Variants in MKLN1 observed in about 807,000 individuals in gnomAD.
MKLN1 encodes the protein muskelin 1.
In MKLN1, 18 loss-of-function variants were observed where a neutral mutation model predicts 99.0. That is an observed-to-expected ratio of 0.18 (90% CI 0.13 to 0.27). MKLN1 has a LOEUF of 0.27. Ranked by LOEUF, MKLN1 falls within the 10% of genes least tolerant of loss-of-function variation. The pLI, the probability that MKLN1 is intolerant of heterozygous loss-of-function variation, is 1.00. For synonymous variants in MKLN1, 288 were observed against 293.2 expected (o/e 0.98, Z 0.18); for missense variants, 621 against 875.9 (o/e 0.71, Z 3.67).
At chr7:131,357,624 T>A (rs1799920600) in intron 1 of MKLN1, among the ~76,000 whole-genome samples, 1 of 152,240 alleles carries the variant, frequency 6.6e-6, no homozygotes, top group Non-Finnish European at 1.5e-5. Context: ...CCAGTACTAC[T>A]TTATTTATTT....
At chr7:131,485,807 C>T (rs998355934) in intron 17 of MKLN1, among the ~76,000 whole-genome samples, 5 of 151,974 alleles carry the variant, frequency 3.3e-5, no homozygotes, top group African/African-American at 1.2e-4. Flanking sequence ...CAAAGAGAGG[C>T]TGAGGAACTA....
At chr7:131,347,674 G>C (rs572506638) in intron 1 of MKLN1, among the ~76,000 whole-genome samples, 7 of 152,112 alleles carry the variant, frequency 4.6e-5, no homozygotes, top group African/African-American at 1.4e-4. Flanking sequence ...TAATTGGCTC[G>C]TTTACTTTTA....
At chr7:131,126,249 C>T (rs1193594310) in intron 1 of MKLN1, among the ~76,000 whole-genome samples, 1 of 151,870 alleles carries the variant, frequency 6.6e-6, no homozygotes, top group Non-Finnish European at 1.5e-5. Flanking sequence ...GGGCTAATGA[C>T]CAGAGACAGC....
chr7:131,153,661 T>C (rs541083113), intron 2 of MKLN1, among the ~76,000 whole-genome samples: 4 of 47,086 alleles, frequency 8.5e-5, no homozygotes, highest in African/African-American at 1.6e-4. Context: ...TAGGTTTTTT[T>C]TGGTTTTTTT....
chr7:131,438,992 A>G (rs1184893569), intron 10 of MKLN1, among the ~76,000 whole-genome samples: 2 of 152,114 alleles, frequency 1.3e-5, no homozygotes, highest in Admixed American at 6.6e-5. Flanking sequence ...TAAGGAGAGG[A>G]AGAGTGAGTT....
At chr7:131,358,306 A>G (rs898627173) in intron 1 of MKLN1, among the ~76,000 whole-genome samples, 5 of 152,172 alleles carry the variant, frequency 3.3e-5, no homozygotes, top group African/African-American at 4.8e-5. Context: ...ATATGATCAT[A>G]TGACTTTCTT....
chr7:131,191,775 G>A lies in MKLN1; in HGVS notation c.-296-11082G>A, dbSNP rs191147176. On this transcript the variant is annotated intron_variant, in intron 2 of 7. Coordinates refer to the MKLN1 transcript ENST00000416992. Reference sequence around the variant, plus strand: ...ATCTCCCAGGCTGGAGTGCAGTGGTGCAATCTCGGCTCACTGCAACCTCCG... The same window carrying A: ...ATCTCCCAGGCTGGAGTGCAGTGGTACAATCTCGGCTCACTGCAACCTCCG... 4.6e-3 allele frequency among the ~76,000 whole-genome samples: 674 copies of A among 147,372 alleles called. 7 individuals are homozygous for A. Among genetic ancestry groups the A allele is most frequent in the African/African-American group, 0.016 (642 of 39,934 alleles).
chr7:131,246,670 T>C (rs548902397), intron 3 of MKLN1, among the ~76,000 whole-genome samples: 1 of 152,128 alleles, frequency 6.6e-6, no homozygotes, highest in East Asian at 1.9e-4. Context: ...TAATTTTTTG[T>C]AGAGACGGGG....
At chr7:131,116,542 T>C (rs1045788564) in intron 1 of MKLN1, among the ~76,000 whole-genome samples, 1 of 152,094 alleles carries the variant, frequency 6.6e-6, no homozygotes, top group Non-Finnish European at 1.5e-5. Context: ...TCCCTTGTAA[T>C]GGAGTTAGCC....
chr7:131,474,407 A>G (rs184887852), intron 16 of MKLN1, among the ~76,000 whole-genome samples: 155 of 152,306 alleles, frequency 1.0e-3, no homozygotes, highest in Non-Finnish European at 1.8e-3. Context: ...TGAGATATCT[A>G]TGAGACAGCC....
intron 3 of MKLN1, among the ~76,000 whole-genome samples, chr7:131,224,809 C>T (rs1797116988): frequency 6.6e-6 from 1 of 151,850 alleles, no homozygotes; most frequent in Non-Finnish European, 1.5e-5. Context: ...CGCAGTGGCT[C>T]ATGCCTGTAA....
rs773668398 is a variant in MKLN1 at position 131,328,016 on chromosome 7, G to C, written c.98+19G>C. The C allele has an allele frequency of 6.2e-7, 1 of 1,613,082 alleles. No homozygotes were observed. Among genetic ancestry groups the C allele is most frequent in the Non-Finnish European group, 8.5e-7 (1 of 1,179,572 alleles). ...TTCCCGAGTAAGTGCCGGGCCTTGA[G>C]CTCGTGCTGCCCCACCCTTCCGCGT... On this transcript the variant is annotated intron_variant, in intron 1 of 17. Coordinates refer to ENST00000352689, the MANE Select transcript of MKLN1 (RefSeq NM_013255.5).
chr7:131,195,223 A>T, intron 2 of MKLN1, among the ~76,000 whole-genome samples: 1 of 152,154 alleles, frequency 6.6e-6, no homozygotes, highest in East Asian at 1.9e-4. Flanking sequence ...AAATATGTGG[A>T]CAGTGGGCCG....
chr7:131,243,727 T>C (rs1235398363), intron 3 of MKLN1, among the ~76,000 whole-genome samples: 1 of 152,166 alleles, frequency 6.6e-6, no homozygotes, highest in Admixed American at 6.6e-5. Context: ...TTAAAAATTA[T>C]GTCAGGCCCT....
chr7:131,242,900 C>T (rs907507492), intron 3 of MKLN1: 1 of 668,948 alleles, frequency 1.5e-6, no homozygotes, highest in African/African-American at 1.8e-5. Flanking sequence ...TCTTCAGAGA[C>T]CCTACTCTTA....
Position 131,393,313 on chromosome 7 carries a change from T to TTA in MKLN1, c.401-3953_401-3952dup, listed in dbSNP as rs201511093. ...GAGCTTTAATTCACTTTTAGATTTC[T>TTA]TAGTGTTCTAATATGCATTATTAGT... is the stretch of plus-strand genomic sequence containing the variant. On this transcript the variant is annotated intron_variant, in intron 4 of 17. Transcript: ENST00000352689. Among the ~76,000 whole-genome samples, 550 of 152,342 alleles carry TTA rather than the reference T, an allele frequency of 3.6e-3. 2 individuals carry two copies. The highest frequency in any genetic ancestry group is 0.013 in the African/African-American group (523 of 41,572).
chr7:131,410,072 T>A (rs570007583), intron 6 of MKLN1, among the ~76,000 whole-genome samples: 1 of 152,322 alleles, frequency 6.6e-6, no homozygotes, highest in South Asian at 2.1e-4. Flanking sequence ...GGTTCCATAC[T>A]GTTCTTAAAC....
intron 14 of MKLN1, among the ~76,000 whole-genome samples, chr7:131,465,715 A>C (rs1190046525): frequency 6.6e-6 from 1 of 151,660 alleles, no homozygotes; most frequent in Non-Finnish European, 1.5e-5. Flanking sequence ...ATTTTTTTGT[A>C]TTTTTAGTAG....
intron 8 of MKLN1, among the ~76,000 whole-genome samples, chr7:131,423,420 C>T (rs934274671): frequency 6.1e-4 from 93 of 152,282 alleles, no homozygotes; most frequent in African/African-American, 2.1e-3. Flanking sequence ...GCAACCTCCA[C>T]GTCCTGGGTT....
Sources: allele counts gnomAD v4.1 joint callset (sites outside exome capture counted in the v4.1 genomes callset), GRCh38; gene constraint gnomAD v4.1.1; transcripts MANE v1.5; gene names NCBI Gene and HGNC (gene_info 2026-07-23, HGNC 2026-07-21).